The following CEP68 variants were observed in gnomAD, a reference collection of about 807,000 sequenced individuals.
CEP68 encodes the protein centrosomal protein of 68 kDa.
Under a neutral mutation model 55.3 loss-of-function variants are expected in CEP68, and 26 were observed. That is an observed-to-expected ratio of 0.47 (90% CI 0.34 to 0.65). The LOEUF is 0.65. CEP68 is among the 30% of genes least tolerant of loss of function. The pLI is 0.01. For synonymous variants in CEP68, 402 were observed against 383.2 expected (o/e 1.05, Z -0.57); for missense variants, 957 against 946.7 (o/e 1.01, Z -0.14).
At chr2:65,057,073 G>A (rs951870913) in intron 1 of CEP68, among the ~76,000 whole-genome samples, 1 of 152,028 alleles carries the variant, frequency 6.6e-6, no homozygotes, top group African/African-American at 2.4e-5. Context: ...TTTTTGCCTC[G>A]GAGGGCTACC....
At chr2:65,079,625 A>G (rs932531962) in intron 5 of CEP68, among the ~76,000 whole-genome samples, 2 of 152,194 alleles carry the variant, frequency 1.3e-5, no homozygotes, top group African/African-American at 4.8e-5. Flanking sequence ...CCTTTGCTGC[A>G]TGTAATTTAC....
chr2:65,074,620 A>T (rs1676672803), intron 4 of CEP68: 1 of 628,060 alleles, frequency 1.6e-6, no homozygotes, highest in East Asian at 3.4e-5. Flanking sequence ...AAGATACAAT[A>T]TATTTATCTC....
intron 1 of CEP68, among the ~76,000 whole-genome samples, chr2:65,062,860 A>T (rs1675980994): frequency 6.6e-6 from 1 of 151,534 alleles, no homozygotes. Context: ...GTCCTAGGGG[A>T]GGTCCTTTTT....
At chr2:65,077,793 C>A in intron 4 of CEP68, 75 bp from the exon 5 acceptor site, 1 of 1,114,364 alleles carries the variant, frequency 9.0e-7, no homozygotes, top group South Asian at 1.4e-5. Context: ...TCCCTACATG[C>A]TGTGCTTTTC....
chr2:65,068,588 G>T (rs1288390705), intron 1 of CEP68, among the ~76,000 whole-genome samples: 1 of 152,172 alleles, frequency 6.6e-6, no homozygotes, highest in African/African-American at 2.4e-5. Context: ...GCTCTCACCT[G>T]TTCCACAGGC....
intron 1 of CEP68, among the ~76,000 whole-genome samples, chr2:65,062,832 A>G (rs1243957164): frequency 3.2e-5 from 4 of 125,986 alleles, no homozygotes; most frequent in Admixed American, 1.5e-4. Flanking sequence ...GCGAGACTCT[A>G]TCTCAAAAAA....
Position 65,072,479 on chromosome 2 carries a change from G to C in CEP68, c.1383G>C (p.Arg461=), listed in dbSNP as rs2103777587. The change falls in exon 3 of 7, where the codon CGG becomes CGC. Residue 461 remains arginine (R), a synonymous_variant. Transcript: ENST00000377990. ...EREKRTSQSA[R]RPTCTESRWK... is the part of the protein sequence containing the mutation. ...AGAAGAGGACCAGCCAGAGTGCCCG[G>C]CGCCCTACCTGCACAGAGTCTAGGT... is the stretch of plus-strand genomic sequence containing the variant. 6.2e-7 allele frequency: 1 copy of C among 1,614,122 alleles called. No individual in the cohort carries two copies. Among genetic ancestry groups the C allele is most frequent in the Non-Finnish European group, 8.5e-7 (1 of 1,180,030 alleles).
chr2:65,062,209 A>G (rs1243840975), intron 1 of CEP68, among the ~76,000 whole-genome samples: 1 of 152,244 alleles, frequency 6.6e-6, no homozygotes, highest in Non-Finnish European at 1.5e-5. Context: ...AAGTTGGTAT[A>G]AATGAGATTG....
Position 65,072,775 on chromosome 2 carries a change from G to A in CEP68, c.1679G>A (p.Arg560His), listed in dbSNP as rs775978039. 15 of 1,613,982 alleles carry A rather than the reference G, an allele frequency of 9.3e-6. No individual in the cohort carries two copies. The highest frequency in any genetic ancestry group is 6.7e-5 in the African/African-American group (5 of 74,922). Residue 560 changes from arginine to histidine, a missense_variant, in exon 3 of 7, where the codon CGC becomes CAC. Arg to His is a conservative substitution (Grantham distance 29, BLOSUM62 0). Coordinates refer to ENST00000377990, the MANE Select transcript of CEP68 (RefSeq NM_015147.3). Reference sequence around the variant, plus strand: ...GAGGGCCAGAATCCCTGTTTCCTGCGCTCCTTCGTCCGTGCCCACGACTCC... The same window carrying A: ...GAGGGCCAGAATCCCTGTTTCCTGCACTCCTTCGTCCGTGCCCACGACTCC... ...DPEGQNPCFL[R>H]SFVRAHDSAG...
intron 5 of CEP68, 112 bp downstream of exon 5, chr2:65,078,076 A>C: frequency 1.4e-6 from 1 of 717,442 alleles, no homozygotes; most frequent in Non-Finnish European, 2.3e-6. Context: ...CCCTGCCCAC[A>C]CCCACTGCCC....
rs746213881 is a variant in CEP68 at position 65,072,394 on chromosome 2, T to C, written c.1298T>C (p.Met433Thr). The stretch of plus-strand genomic sequence containing the variant: ...CTGACTATAGGCAAGCACCTTGATA[T>C]GGGCTCTCCCCAGCTAAGGACACGG... ...DRLTIGKHLD[M>T]GSPQLRTRDR... The change falls in exon 3 of 7, where the codon ATG (methionine) becomes ACG (threonine). Residue 433 changes from methionine (M) to threonine (T), a missense_variant. Transcript: ENST00000377990. 4 of 1,613,896 alleles carry C rather than the reference T, an allele frequency of 2.5e-6. No homozygotes were observed. The highest frequency in any genetic ancestry group is 2.5e-6 in the Non-Finnish European group (3 of 1,180,014).
chr2:65,085,142 T>G lies in CEP68; in HGVS notation c.*1508T>G, dbSNP rs977379759. On this transcript the variant is annotated 3_prime_UTR_variant, in exon 7 of 7. Transcript: ENST00000377990. ...ATGTTACTGAATAGCCCTTAGGAAA[T>G]TAAACCCATTTATTTACTAATATTT... 8 of 152,178 alleles carry G rather than the reference T, an allele frequency of 5.3e-5. No individual in the cohort carries two copies. The highest frequency in any genetic ancestry group is 1.0e-4 in the Non-Finnish European group (7 of 68,040). 9.4% of individuals were successfully genotyped at this position (152,178 alleles called of 1,614,324 possible). A position where few individuals can be genotyped will look rare whatever the true frequency, so the allele number is the denominator to read the frequency against.
In CEP68 at chr2:65,069,472, G is replaced by T; in HGVS notation, c.28G>T (p.Ala10Ser). ...GGCCCTGGGTGAAGAAAAGGCAGAAGCGGAAGCATCTGAAGACACAAAGGC... is the reference window on the plus strand; with the variant it reads ...GGCCCTGGGTGAAGAAAAGGCAGAATCGGAAGCATCTGAAGACACAAAGGC... The part of the protein sequence containing the change: MALGEEKAE[A>S]EASEDTKAQS... Residue 10 changes from alanine to serine, a missense_variant, in exon 2 of 7, where the codon GCG becomes TCG. Transcript: ENST00000377990. 2 of 1,520,042 alleles carry T rather than the reference G, an allele frequency of 1.3e-6. No homozygotes were observed. The highest frequency in any genetic ancestry group is 8.8e-7 in the Non-Finnish European group (1 of 1,133,326). The allele number at this position is 1,520,042 out of a possible 1,614,324, so 94.2% of individuals were successfully genotyped here.
At chr2:65,066,198 G>C (rs973058030) in intron 1 of CEP68, among the ~76,000 whole-genome samples, 1 of 152,202 alleles carries the variant, frequency 6.6e-6, no homozygotes, top group South Asian at 2.1e-4. Context: ...CGAGTATCCA[G>C]ATGAACTGGA....
chr2:65,063,993 G>C (rs937347830), intron 1 of CEP68, among the ~76,000 whole-genome samples: 14 of 152,184 alleles, frequency 9.2e-5, no homozygotes, highest in African/African-American at 3.1e-4. Context: ...GGGGGGAAAA[G>C]CATGATTTGT....
intron 1 of CEP68, among the ~76,000 whole-genome samples, chr2:65,057,064 T>C (rs1333138804): frequency 6.6e-6 from 1 of 152,236 alleles, no homozygotes; most frequent in African/African-American, 2.4e-5. Context: ...GTCTCATTTT[T>C]TTTGCCTCGG....
Position 65,072,325 on chromosome 2 carries a change from G to A in CEP68, c.1229G>A (p.Arg410His), listed in dbSNP as rs10198538. 7.1e-5 allele frequency: 115 copies of A among 1,614,006 alleles called. No individual in the cohort carries two copies. In the African/African-American group the frequency reaches 1.1e-3, roughly 15 times the overall value. The change falls in exon 3 of 7, where the codon CGT becomes CAT. Residue 410 changes from arginine to histidine, a missense_variant. Coordinates refer to ENST00000377990, the MANE Select transcript of CEP68 (RefSeq NM_015147.3). ...TPRAPGSRDA[R>H]WERREPALRG... ...AGAGCCCCAGGCAGTAGGGATGCTC[G>A]TTGGGAGCGCAGAGAGCCAGCCCTG...
In CEP68 at chr2:65,080,589, G is replaced by A. The variant is rs565968348; in HGVS notation, c.2105-1947G>A. Reference sequence around the variant, plus strand: ...ATCTCAACACTTTGGGAGGCCAAGCGGGCAGATCACCTGAGGGCAGGAGTT... The same window carrying A: ...ATCTCAACACTTTGGGAGGCCAAGCAGGCAGATCACCTGAGGGCAGGAGTT... On this transcript the variant is annotated intron_variant, in intron 5 of 6. Transcript: ENST00000377990. 11 of 961,564 alleles carry A rather than the reference G, an allele frequency of 1.1e-5. No homozygotes were observed. The South Asian group carries it at 2.4e-4, about 21-fold the overall frequency. The allele number at this position is 961,564 out of a possible 1,614,324, so 59.6% of individuals were successfully genotyped here. A position where few individuals can be genotyped will look rare whatever the true frequency, so the allele number is the denominator to read the frequency against.
chr2:65,068,499 G>A (rs1048744597), intron 1 of CEP68, among the ~76,000 whole-genome samples: 2 of 152,098 alleles, frequency 1.3e-5, no homozygotes, highest in East Asian at 3.9e-4. Flanking sequence ...CCATCACCAC[G>A]TGCAGCATAA....
Sources: gnomAD v4.1 joint callset for allele counts (sites outside exome capture counted in the v4.1 genomes callset) on GRCh38, gnomAD v4.1.1 for gene constraint, MANE v1.5 for transcripts, NCBI Gene and HGNC (gene_info 2026-07-23, HGNC 2026-07-21) for gene names.